Variants in USP3 observed in about 807,000 individuals in gnomAD.
The protein encoded by USP3 is ubiquitin specific peptidase 3.
A neutral mutation model predicts 72.3 loss-of-function variants in USP3; 20 were observed. The observed-to-expected ratio is 0.28, with a 90% CI of 0.19 to 0.40. The LOEUF (loss-of-function observed/expected upper bound fraction) is 0.40. Among genes scored for constraint, USP3 ranks in the 10% least tolerant of loss-of-function variants. USP3 has a pLI of 1.00. For synonymous variants in USP3, 222 were observed against 225.3 expected (o/e 0.99, Z 0.13); for missense variants, 479 against 633.9 (o/e 0.76, Z 2.62).
At chr15:63,515,880 C>G (rs2065844445) in intron 1 of USP3, among the ~76,000 whole-genome samples, 2 of 152,186 alleles carry the variant, frequency 1.3e-5, no homozygotes, top group Non-Finnish European at 2.9e-5. Flanking sequence ...CACAGACAAT[C>G]TCTGTAGGCT....
intron 11 of USP3, among the ~76,000 whole-genome samples, chr15:63,583,907 T>C (rs2067007209): frequency 6.6e-6 from 1 of 152,158 alleles, no homozygotes; most frequent in African/African-American, 2.4e-5. Flanking sequence ...TTTTGGCTAT[T>C]ATAAATAATG....
chr15:63,580,236 A>G (rs1280257271), intron 11 of USP3, among the ~76,000 whole-genome samples: 2 of 152,186 alleles, frequency 1.3e-5, no homozygotes, highest in Admixed American at 6.5e-5. Flanking sequence ...GAATAATTCC[A>G]TTTGTGTAAG....
chr15:63,525,343 G>A (rs891465937), intron 1 of USP3, among the ~76,000 whole-genome samples: 2 of 152,032 alleles, frequency 1.3e-5, no homozygotes, highest in African/African-American at 4.8e-5. Flanking sequence ...GCTCTATATT[G>A]GTCACCCCTT....
intron 8 of USP3, among the ~76,000 whole-genome samples, chr15:63,565,208 A>T (rs1164402380): frequency 6.6e-6 from 1 of 152,202 alleles, no homozygotes; most frequent in East Asian, 1.9e-4. Flanking sequence ...ATACACAAAT[A>T]TATATACATA....
At chr15:63,519,075 T>C (rs2152651897) in intron 1 of USP3, among the ~76,000 whole-genome samples, 1 of 152,286 alleles carries the variant, frequency 6.6e-6, no homozygotes, top group Non-Finnish European at 1.5e-5. Flanking sequence ...GGGTCTTTCT[T>C]TTCAATCAGC....
At chr15:63,568,332 C>T (rs140274329) in intron 8 of USP3, among the ~76,000 whole-genome samples, 26 of 144,654 alleles carry the variant, frequency 1.8e-4, no homozygotes, top group Non-Finnish European at 3.1e-4. Context: ...TCCAGCCTGA[C>T]GACAGAGCGA....
intron 1 of USP3, among the ~76,000 whole-genome samples, chr15:63,521,562 GAGCTGGAAGT>G (rs1459794883): frequency 6.6e-6 from 1 of 152,150 alleles, no homozygotes; most frequent in Admixed American, 6.5e-5. Flanking sequence ...TGAAATTAGA[GAGCTGGAAGT>G]AGCCTTGGGG....
Position 63,588,337 on chromosome 15 carries a change from C to T in USP3, c.1129C>T (p.Leu377Phe). 6.3e-7 allele frequency: 1 copy of T among 1,597,950 alleles called. No homozygotes were observed. The highest frequency in any genetic ancestry group is 8.5e-7 in the Non-Finnish European group (1 of 1,176,110). The change falls in exon 12 of 15, where the codon CTT (leucine) becomes TTT (phenylalanine). Residue 377 changes from leucine (L) to phenylalanine (F), a missense_variant. Leu to Phe is a conservative substitution (Grantham distance 22). Transcript: ENST00000380324. This position sits in a 1 kb window ranked among gnomAD's most constrained non-coding sequence, Gnocchi z 4.6. The part of the protein sequence containing the change: ...CLRSFTDLEE[L>F]DETELYMCHK... Reference sequence around the variant, plus strand: ...TCGCAGTTTTACCGACTTAGAAGAACTTGATGAGACAGAGTTATATATGTG... The same window carrying T: ...TCGCAGTTTTACCGACTTAGAAGAATTTGATGAGACAGAGTTATATATGTG...
rs1272615641 is a variant in USP3, at chr15:63,588,231, G to A, written c.1097-74G>A. ...CTAATAAAGCTGAGATTTTAAACCT[G>A]GGTCTTTTTTCTACAGTACATTGCC... On this transcript the variant is annotated intron_variant, in intron 11 of 14. Transcript: ENST00000380324. The surrounding 1 kb of genome is among the most constrained non-coding windows in gnomAD (Gnocchi z 4.6). The A allele has an allele frequency of 8.7e-7, 1 of 1,144,022 alleles. No homozygotes were observed. Among genetic ancestry groups the A allele is most frequent in the Non-Finnish European group, 1.2e-6 (1 of 807,906 alleles). 70.9% of individuals were successfully genotyped at this position (1,144,022 alleles called of 1,614,324 possible). A position where few individuals can be genotyped will look rare whatever the true frequency, so the allele number is the denominator to read the frequency against.
chr15:63,590,228 G>C (rs530670283), intron 14 of USP3, among the ~76,000 whole-genome samples: 49 of 152,226 alleles, frequency 3.2e-4, no homozygotes, highest in Admixed American at 3.2e-3. Context: ...CAGGCCTTCC[G>C]TCTGACTTGG....
chr15:63,525,498 C>T (rs1170920869), intron 1 of USP3, among the ~76,000 whole-genome samples: 1 of 152,182 alleles, frequency 6.6e-6, no homozygotes, highest in Non-Finnish European at 1.5e-5. Flanking sequence ...CTCGGACTGC[C>T]TGGGCACCTT....
Position 63,570,416 on chromosome 15 carries a change from CTGTT to C in USP3, c.762-10_762-7del, listed in dbSNP as rs2066760574. ...GCCCTCCACCCGGCCTTATAAGTGA[CTGTT>C]TGTTTGCTTTAGGGGCTATCAACAG... On this transcript the variant is annotated splice_polypyrimidine_tract_variant and intron_variant, in intron 8 of 14. Transcript: ENST00000380324. The surrounding 1 kb of genome is among the most constrained non-coding windows in gnomAD (Gnocchi z 4.4). The C allele has an allele frequency of 8.1e-6, 13 of 1,613,750 alleles. No homozygotes were observed. Among genetic ancestry groups the C allele is most frequent in the African/African-American group, 1.3e-5 (1 of 74,926 alleles).
intron 1 of USP3, among the ~76,000 whole-genome samples, chr15:63,517,162 T>A (rs1177528846): frequency 2.6e-5 from 4 of 152,082 alleles, no homozygotes; most frequent in Non-Finnish European, 5.9e-5. Flanking sequence ...TTAGGCTTAT[T>A]TAACATTAGG....
intron 9 of USP3, among the ~76,000 whole-genome samples, chr15:63,572,421 T>C (rs942217241): frequency 3.3e-5 from 5 of 151,982 alleles, no homozygotes; most frequent in Admixed American, 3.3e-4. Flanking sequence ...GACACAGATA[T>C]TAAACCTAAA....
At chr15:63,537,920 GGT>G (rs2066183570) in intron 3 of USP3, among the ~76,000 whole-genome samples, 1 of 151,844 alleles carries the variant, frequency 6.6e-6, no homozygotes, top group Non-Finnish European at 1.5e-5. Context: ...CCTGACCTCA[GGT>G]GATTTGCCTG....
At chr15:63,508,459 A>T (rs1044306386) in intron 1 of USP3, among the ~76,000 whole-genome samples, 1 of 152,190 alleles carries the variant, frequency 6.6e-6, no homozygotes, top group African/African-American at 2.4e-5. Context: ...TAGAAGATAC[A>T]TCCATGTGGT....
At chr15:63,537,283 C>T (rs1318649660) in intron 3 of USP3, 127 bp downstream of exon 3, 5 of 1,141,452 alleles carry the variant, frequency 4.4e-6, no homozygotes, top group Admixed American at 3.4e-5. Context: ...TTAGGATTCA[C>T]GGAGGACTGG....
At chr15:63,586,924 G>A (rs1366248814) in intron 11 of USP3, among the ~76,000 whole-genome samples, 1 of 152,102 alleles carries the variant, frequency 6.6e-6, no homozygotes, top group Non-Finnish European at 1.5e-5. Flanking sequence ...CTAGGATCAG[G>A]CAACAAAGGC....
intron 1 of USP3, among the ~76,000 whole-genome samples, chr15:63,516,692 A>G (rs541449766): frequency 2.6e-5 from 4 of 151,928 alleles, no homozygotes; most frequent in African/African-American, 4.8e-5. Context: ...CCTCCTCCAC[A>G]TATGTCCTTT....
Sources: allele counts gnomAD v4.1 joint callset (sites outside exome capture counted in the v4.1 genomes callset), GRCh38; gene constraint gnomAD v4.1.1; non-coding constraint Gnocchi (gnomAD v3.1); transcripts MANE v1.5; gene names NCBI Gene and HGNC (gene_info 2026-07-23, HGNC 2026-07-21).